The following EIF2AK1 variants were observed in gnomAD, a reference collection of about 807,000 sequenced individuals.
EIF2AK1 encodes eukaryotic translation initiation factor 2 alpha kinase 1, also known as eukaryotic translation initiation factor 2-alpha kinase 1.
A neutral mutation model predicts 77.9 loss-of-function variants in EIF2AK1; 54 were observed. That is an observed-to-expected ratio of 0.69 (90% CI 0.56 to 0.87). The LOEUF (loss-of-function observed/expected upper bound fraction) is 0.87, where lower values mean the gene tolerates loss of function less well. Ranked by LOEUF, EIF2AK1 falls within the 40% of genes least tolerant of loss-of-function variation. EIF2AK1 has a pLI of 0.00. For synonymous variants in EIF2AK1, 314 were observed against 290.5 expected, an observed-to-expected ratio of 1.08 and a Z score of -0.82; for missense variants, 810 against 768.6, an observed-to-expected ratio of 1.05 and a Z score of -0.64.
At chr7:6,025,513 A>G (rs748991910) in intron 14 of EIF2AK1, among the ~76,000 whole-genome samples, 3 of 152,202 alleles carry the variant, frequency 2.0e-5, no homozygotes, top group Non-Finnish European at 4.4e-5. Context: ...TTACGTGGAC[A>G]ATGAATATAA....
Position 6,040,926 on chromosome 7 carries a change from G to A in EIF2AK1, c.1085C>T (p.Ser362Phe). The change falls in exon 9 of 15, where the codon TCC becomes TTC. Residue 362 changes from serine (S) to phenylalanine (F), a missense_variant. Ser to Phe is a radical substitution (Grantham distance 155, BLOSUM62 -2). Coordinates refer to ENST00000199389, the MANE Select transcript of EIF2AK1 (RefSeq NM_014413.4). Reference protein sequence around the residue: ...EESFTSTEESSEENVNFLGQT... With the variant: ...EESFTSTEESFEENVNFLGQT... ...ACCCAAAAAGTTGACATTTTCTTCG[G>A]AAGATTCTTCGGTGGATGTGAAACT... is the stretch of plus-strand genomic sequence containing the variant. The A allele has an allele frequency of 6.2e-7, 1 of 1,614,144 alleles. No homozygotes were observed. Among genetic ancestry groups the A allele is most frequent in the Non-Finnish European group, 8.5e-7 (1 of 1,180,014 alleles).
chr7:6,023,408 C>T lies in EIF2AK1; in HGVS notation c.*1265G>A, dbSNP rs1310790068. On this transcript the variant is annotated 3_prime_UTR_variant, in exon 15 of 15. Coordinates refer to ENST00000199389, the MANE Select transcript of EIF2AK1 (RefSeq NM_014413.4). ...TCTCTGTTTGGCCAGAAGCATAATG[C>T]TGTCAACGCAACCCTTATAGATAGC... The T allele has an allele frequency of 1.2e-6, 2 of 1,614,236 alleles. No individual in the cohort carries two copies. The highest frequency in any genetic ancestry group is 1.7e-5 in the Admixed American group (1 of 60,020).
In EIF2AK1 at chr7:6,040,925, G is replaced by T. The variant is rs549479603; in HGVS notation, c.1086C>A (p.Ser362=). The change falls in exon 9 of 15, where the codon TCC becomes TCA. Residue 362 remains serine, a synonymous_variant. Coordinates refer to ENST00000199389, the MANE Select transcript of EIF2AK1 (RefSeq NM_014413.4). ...GACCCAAAAAGTTGACATTTTCTTC[G>T]GAAGATTCTTCGGTGGATGTGAAAC... The part of the protein sequence containing the change: ...EESFTSTEES[S]EENVNFLGQT... The T allele has an allele frequency of 6.2e-7, 1 of 1,614,058 alleles. No homozygotes were observed.
In EIF2AK1 at chr7:6,022,740, G is replaced by A. The variant is rs1787520464; in HGVS notation, c.*1933C>T. 1 of 152,482 alleles carries A rather than the reference G, an allele frequency of 6.6e-6. No homozygotes were observed. The highest frequency in any genetic ancestry group is 2.1e-4 in the South Asian group (1 of 4,832). 9.4% of individuals were successfully genotyped at this position (152,482 alleles called of 1,614,324 possible). ...GTTCTGTCCAACCAGGCAAAGCGGG[G>A]AGTCATGGCTATCACAGCCATCTTG... On this transcript the variant is annotated 3_prime_UTR_variant, in exon 15 of 15. Transcript: ENST00000199389.
At position 6,035,240 on chromosome 7, in the gene EIF2AK1, A is replaced by G. The variant is rs955976688; in HGVS notation, c.1332+2184T>C. On this transcript the variant is annotated intron_variant, in intron 11 of 14. Coordinates refer to ENST00000199389, the MANE Select transcript of EIF2AK1 (RefSeq NM_014413.4). This position sits in a 1 kb window ranked among gnomAD's most constrained non-coding sequence, Gnocchi z 5.5. ...ACATAAAATGAAGCTAGGCCCCATC[A>G]CGTAGTGATGCATCCCACCACATCC... Among the ~76,000 whole-genome samples, 1 of 152,230 alleles carries G rather than the reference A, an allele frequency of 6.6e-6. No homozygotes were observed. Among genetic ancestry groups the G allele is most frequent in the Non-Finnish European group, 1.5e-5 (1 of 68,036 alleles).
rs1562747188 is a variant in EIF2AK1, at chr7:6,036,340, T to A, written c.1332+1084A>T. 2 of 1,534,164 alleles carry A rather than the reference T, an allele frequency of 1.3e-6. No individual in the cohort carries two copies. The highest frequency in any genetic ancestry group is 2.4e-5 in the East Asian group (1 of 40,856). On this transcript the variant is annotated intron_variant, in intron 11 of 14. Transcript: ENST00000199389. The surrounding 1 kb of genome is among the most constrained non-coding windows in gnomAD (Gnocchi z 4.6). The stretch of plus-strand genomic sequence containing the variant: ...TTGAAGCAATTCCTCCCAGTGACAA[T>A]ATGGAATTCTGTCTACTGCTGTTAT...
chr7:6,034,922 G>A (rs769292299), intron 11 of EIF2AK1, among the ~76,000 whole-genome samples: 52 of 152,250 alleles, frequency 3.4e-4, no homozygotes, highest in Non-Finnish European at 6.5e-4. Context: ...TGTCGGGTAG[G>A]AGAGCAGAGA....
At chr7:6,041,336 G>T in intron 8 of EIF2AK1, 117 bp from the exon 9 acceptor site, 1 of 1,036,602 alleles carries the variant, frequency 9.6e-7, no homozygotes, top group Non-Finnish European at 1.4e-6. Flanking sequence ...GTCAGGAGTT[G>T]GAGACCAGCT....
At chr7:6,026,534 G>A in intron 14 of EIF2AK1, 194 bp downstream of exon 14, 2 of 705,690 alleles carry the variant, frequency 2.8e-6, no homozygotes, top group South Asian at 1.5e-5. Context: ...CTACCCCAAG[G>A]GGAGTGAGTC....
rs780972148 is a variant in EIF2AK1 at position 6,023,543 on chromosome 7, A to G, written c.*1130T>C. The G allele has an allele frequency of 2.5e-6, 4 of 1,614,122 alleles. No homozygotes were observed. Among genetic ancestry groups the G allele is most frequent in the Non-Finnish European group, 1.7e-6 (2 of 1,180,054 alleles). On this transcript the variant is annotated 3_prime_UTR_variant, in exon 15 of 15. Coordinates refer to ENST00000199389, the MANE Select transcript of EIF2AK1 (RefSeq NM_014413.4). ...GGGAAGAGCCCTTGGCTCGCTGGGA[A>G]TGAACTCACCGTAGCAGACGTGGTG...
chr7:6,024,560 TTAAC>T lies in EIF2AK1; in HGVS notation c.*109_*112del, dbSNP rs1312604092. ...GGCAGCTTGGGGCACTCTGACATCT[TTAAC>T]AAGTCTTGTAAAGGCTTACTAAATA... On this transcript the variant is annotated 3_prime_UTR_variant, in exon 15 of 15. Coordinates refer to ENST00000199389, the MANE Select transcript of EIF2AK1 (RefSeq NM_014413.4). The T allele has an allele frequency of 6.5e-7, 1 of 1,534,894 alleles. No individual in the cohort carries two copies. The highest frequency in any genetic ancestry group is 1.4e-5 in the African/African-American group (1 of 71,566).
chr7:6,035,336 T>C lies in EIF2AK1; in HGVS notation c.1332+2088A>G, dbSNP rs148210631. 4,813 of 1,074,432 alleles carry C rather than the reference T, an allele frequency of 4.5e-3. 327 individuals carry two copies. In the Admixed American group the frequency reaches 0.12, roughly 27 times the overall value. 66.6% of individuals were successfully genotyped at this position (1,074,432 alleles called of 1,614,324 possible). On this transcript the variant is annotated intron_variant, in intron 11 of 14. Coordinates refer to ENST00000199389, the MANE Select transcript of EIF2AK1 (RefSeq NM_014413.4). This position sits in a 1 kb window ranked among gnomAD's most constrained non-coding sequence, Gnocchi z 5.5. ...ATTTTGAAACACGTCCTTAAGGTAATTGAAGGGTCTTACTTTAAATAAATA... is the reference window on the plus strand; with the variant it reads ...ATTTTGAAACACGTCCTTAAGGTAACTGAAGGGTCTTACTTTAAATAAATA...
Position 6,040,254 on chromosome 7 carries a change from T to C in EIF2AK1, c.1119+638A>G, listed in dbSNP as rs372366554. On this transcript the variant is annotated intron_variant, in intron 9 of 14. Coordinates refer to ENST00000199389, the MANE Select transcript of EIF2AK1 (RefSeq NM_014413.4). ...TTTTAGTAGAGACGCGCTTTCACCA[T>C]GTTGGCCAGGCTGGTCTCGAACTCC... 3.9e-5 allele frequency among the ~76,000 whole-genome samples: 6 copies of C among 152,182 alleles called. No homozygotes were observed. The East Asian group carries it at 5.8e-4, about 15-fold the overall frequency.
rs1787789554 is a variant in EIF2AK1 at position 6,027,719 on chromosome 7, G to T, written c.1531-758C>A. 6.6e-6 allele frequency among the ~76,000 whole-genome samples: 1 copy of T among 151,966 alleles called. No individual in the cohort carries two copies. The highest frequency in any genetic ancestry group is 2.4e-5 in the African/African-American group (1 of 41,368). ...AGAAAGGCTGAAAACAGGCTTCCAT[G>T]AATTCTAGCTTCCTGAGGTGAACAG... On this transcript the variant is annotated intron_variant, in intron 13 of 14. Transcript: ENST00000199389. The surrounding 1 kb of genome is among the most constrained non-coding windows in gnomAD (Gnocchi z 4.5).
At position 6,043,008 on chromosome 7, in the gene EIF2AK1, A is replaced by G. The variant is rs2128889665; in HGVS notation, c.731-15T>C. The G allele has an allele frequency of 6.2e-7, 1 of 1,613,734 alleles. No homozygotes were observed. The highest frequency in any genetic ancestry group is 2.2e-5 in the East Asian group (1 of 44,876). ...AGCTCTGTCTGCTGAATGAAAACAA[A>G]CAACAATCATCTTCAAACAGCCCAG... On this transcript the variant is annotated splice_polypyrimidine_tract_variant and intron_variant, in intron 7 of 14. Coordinates refer to ENST00000199389, the MANE Select transcript of EIF2AK1 (RefSeq NM_014413.4).
rs1292357604 is a variant in EIF2AK1, at chr7:6,027,049, G to A, written c.1531-88C>T. ...TCCGTGTTCCACCCTCCAAACAGGA[G>A]AGGGTTTCTAAGAATGAGGATATAC... On this transcript the variant is annotated intron_variant, in intron 13 of 14. Coordinates refer to ENST00000199389, the MANE Select transcript of EIF2AK1 (RefSeq NM_014413.4). This position sits in a 1 kb window ranked among gnomAD's most constrained non-coding sequence, Gnocchi z 4.5. 1.8e-6 allele frequency: 2 copies of A among 1,098,950 alleles called. No individual in the cohort carries two copies. Among genetic ancestry groups the A allele is most frequent in the African/African-American group, 3.1e-5 (2 of 64,364 alleles). 68.1% of individuals were successfully genotyped at this position (1,098,950 alleles called of 1,614,324 possible). A position where few individuals can be genotyped will look rare whatever the true frequency, so the allele number is the denominator to read the frequency against.
intron 14 of EIF2AK1, chr7:6,026,469 G>GCTC (rs762337589): frequency 9.5e-6 from 6 of 634,136 alleles, no homozygotes; most frequent in Non-Finnish European, 1.5e-5. Flanking sequence ...CCAGCCCTCC[G>GCTC]CTCCTCTTTG....
At chr7:6,038,412 G>A (rs1788167780) in intron 10 of EIF2AK1, 148 bp downstream of exon 10, 1 of 546,400 alleles carries the variant, frequency 1.8e-6, no homozygotes, top group African/African-American at 1.9e-5. Context: ...TCCTGCCTGA[G>A]CAACAAACAG....
At chr7:6,054,448 C>A (rs1020337361) in intron 2 of EIF2AK1, 98 bp downstream of exon 2, 1 of 1,371,522 alleles carries the variant, frequency 7.3e-7, no homozygotes. Context: ...GGGTGATCCG[C>A]CCACCTCAGC....
Sources: gnomAD v4.1 joint callset for allele counts (sites outside exome capture counted in the v4.1 genomes callset) on GRCh38, gnomAD v4.1.1 for gene constraint, Gnocchi (gnomAD v3.1) non-coding constraint, MANE v1.5 for transcripts, NCBI Gene and HGNC (gene_info 2026-07-23, HGNC 2026-07-21) for gene names.